Variants in MYOF observed in about 807,000 individuals in gnomAD.
The protein encoded by MYOF is myoferlin.
MYOF carries 244 observed loss-of-function variants against 284.2 expected under a neutral mutation model. The observed-to-expected ratio is 0.86, with a 90% CI of 0.77 to 0.95. The LOEUF (loss-of-function observed/expected upper bound fraction) is 0.95, where lower values mean the gene tolerates loss of function less well. MYOF is among the 40% of genes least tolerant of loss of function. The pLI is 0.00. For missense variants in MYOF, 2,496 were observed against 2,560.6 expected, an observed-to-expected ratio of 0.97 and a Z score of 0.54; for synonymous variants, 904 against 919.7, an observed-to-expected ratio of 0.98 and a Z score of 0.31.
chr10:93,321,582 C>T (rs1842842831), intron 48 of MYOF, among the ~76,000 whole-genome samples: 1 of 152,074 alleles, frequency 6.6e-6, no homozygotes, highest in Non-Finnish European at 1.5e-5. Context: ...TAAGGTAACT[C>T]ACTGAGGAGA....
At chr10:93,333,985 C>G (rs1052156789) in intron 41 of MYOF, 72 bp from the exon 42 acceptor site, 1 of 1,477,468 alleles carries the variant, frequency 6.8e-7, no homozygotes, top group Non-Finnish European at 9.2e-7. Flanking sequence ...GAAGTCCCCT[C>G]CTCCGCCAGG....
At position 93,333,380 on chromosome 10, in the gene MYOF, G is replaced by A. The variant is rs1292186718; in HGVS notation, c.4720-68C>T. ...CAAGGTGAAGTCAAGTTCAGGGACAGACTCAGCTCGCCTCCACACCCACTC... is the reference window on the plus strand; with the variant it reads ...CAAGGTGAAGTCAAGTTCAGGGACAAACTCAGCTCGCCTCCACACCCACTC... On this transcript the variant is annotated intron_variant, in intron 42 of 53. Transcript: ENST00000359263. 41 of 1,366,844 alleles carry A rather than the reference G, an allele frequency of 3.0e-5. No individual in the cohort carries two copies. The South Asian group carries it at 4.7e-4, about 16-fold the overall frequency. 84.7% of individuals were successfully genotyped at this position (1,366,844 alleles called of 1,614,324 possible). A position where few individuals can be genotyped will look rare whatever the true frequency, so the allele number is the denominator to read the frequency against.
intron 37 of MYOF, among the ~76,000 whole-genome samples, chr10:93,347,178 G>A (rs1482892890): frequency 6.6e-6 from 1 of 152,162 alleles, no homozygotes; most frequent in Admixed American, 6.5e-5. Flanking sequence ...CACGCAGTTT[G>A]CTCATCCGTA....
chr10:93,378,346 A>C (rs1845937760), intron 21 of MYOF, among the ~76,000 whole-genome samples: 1 of 152,130 alleles, frequency 6.6e-6, no homozygotes, highest in Admixed American at 6.6e-5. Context: ...CACAATTAGA[A>C]CACAGGTGCA....
At chr10:93,437,194 G>C (rs981393867) in intron 3 of MYOF, among the ~76,000 whole-genome samples, 3 of 152,106 alleles carry the variant, frequency 2.0e-5, no homozygotes, top group African/African-American at 7.2e-5. Flanking sequence ...TTGGGGGAAT[G>C]AAAGAGTTTA....
At position 93,313,092 on chromosome 10, in the gene MYOF, G is replaced by A; in HGVS notation, c.5817C>T (p.Ser1939=). Residue 1939 remains serine, a synonymous_variant, in exon 51 of 54, where the codon TCC becomes TCT. Transcript: ENST00000359263. ...AMNPLKAKTA[S]LFEQKSMKGW... is the part of the protein sequence containing the mutation. ...CTTTCATGGACTTCTGCTCAAAGAG[G>A]GAGGCTGTCTTGGCTTTAAGGGGGT... is the stretch of plus-strand genomic sequence containing the variant. 12 of 1,614,112 alleles carry A rather than the reference G, an allele frequency of 7.4e-6. No homozygotes were observed. Among genetic ancestry groups the A allele is most frequent in the Non-Finnish European group, 1.0e-5 (12 of 1,180,000 alleles).
rs529254844 is a variant in MYOF at position 93,372,952 on chromosome 10, T to C, written c.2435A>G (p.Lys812Arg). Residue 812 changes from lysine (K) to arginine (R), a missense_variant, in exon 24 of 54, where the codon AAA becomes AGA. Physicochemically the swap from Lys to Arg is conservative, Grantham distance 26. Coordinates refer to ENST00000359263, the MANE Select transcript of MYOF (RefSeq NM_013451.4). ...TACCTTCAGAAAGATGGTTTGGGTT[T>C]TCCCACAGTATTTTCCAGATGCATT... ...GENASGKYCGKTQTIFLKYPQ... is the reference protein window; with the variant it reads ...GENASGKYCGRTQTIFLKYPQ... 1 of 1,614,220 alleles carries C rather than the reference T, an allele frequency of 6.2e-7. No individual in the cohort carries two copies. Among genetic ancestry groups the C allele is most frequent in the East Asian group, 2.2e-5 (1 of 44,886 alleles).
At chr10:93,397,497 C>A (rs746661183) in intron 13 of MYOF, 41 bp from the exon 14 acceptor site, 3 of 1,503,536 alleles carry the variant, frequency 2.0e-6, no homozygotes, top group Non-Finnish European at 2.7e-6. Context: ...TTTCAAGTTT[C>A]TAATTTCTAA....
In MYOF at chr10:93,389,134, C is replaced by A. The variant is rs183152242; in HGVS notation, c.1477G>T (p.Val493Leu). ...SYTVNTGETE[V>L]GFVPTFGPCY... is the part of the protein sequence containing the mutation. ...GGTCCAAACGTTGGAACAAAGCCTA[C>A]CTCTGTTTCTCCTGTGTTTACTGAG... The change falls in exon 18 of 54, where the codon GTA becomes TTA. Residue 493 changes from valine to leucine, a missense_variant. Coordinates refer to ENST00000359263, the MANE Select transcript of MYOF (RefSeq NM_013451.4). 703 of 1,613,932 alleles carry A rather than the reference C, an allele frequency of 4.4e-4. 2 individuals carry two copies. The African/African-American group carries it at 8.4e-3, about 19-fold the overall frequency.
chr10:93,482,185 C>T lies in MYOF; in HGVS notation c.10G>A (p.Val4Met), dbSNP rs2057393835. 5 of 1,614,084 alleles carry T rather than the reference C, an allele frequency of 3.1e-6. No individual in the cohort carries two copies. Among genetic ancestry groups the T allele is most frequent in the South Asian group, 1.1e-5 (1 of 91,072 alleles). MLR[V>M]IVESASNIPK... The stretch of plus-strand genomic sequence containing the variant: ...ATATTGCTGGCAGATTCCACAATCA[C>T]TCGCAGCATGGTTCTTAGCTGGTAG... The change falls in exon 1 of 54, where the codon GTG becomes ATG. Residue 4 changes from valine (V) to methionine (M), a missense_variant. Physicochemically the swap from Val to Met is conservative, Grantham distance 21. Around this residue, in one of 3 missense-constraint regions of MYOF, gnomAD observed 57 missense variants for 62.4 expected, o/e 0.91. Transcript: ENST00000359263.
At chr10:93,316,681 T>C (rs951662988) in intron 50 of MYOF, 33 bp downstream of exon 50, 1 of 1,543,688 alleles carries the variant, frequency 6.5e-7, no homozygotes, top group Non-Finnish European at 8.9e-7. Flanking sequence ...AAGTACAGTT[T>C]CTTAGAAACA....
At chr10:93,367,544 C>T (rs1041944730) in intron 25 of MYOF, among the ~76,000 whole-genome samples, 1 of 152,276 alleles carries the variant, frequency 6.6e-6, no homozygotes, top group Middle Eastern at 3.4e-3. Flanking sequence ...AACTGTTATC[C>T]TAAGGGACCT....
intron 36 of MYOF, among the ~76,000 whole-genome samples, chr10:93,349,395 C>T (rs1844395168): frequency 6.6e-6 from 1 of 152,314 alleles, no homozygotes; most frequent in African/African-American, 2.4e-5. Flanking sequence ...ATATACCTTC[C>T]CCCACAGCTG....
At position 93,313,190 on chromosome 10, in the gene MYOF, G is replaced by GC. The variant is rs760083271; in HGVS notation, c.5718dup (p.Arg1907AlafsTer28). 2 of 1,613,110 alleles carry GC rather than the reference G, an allele frequency of 1.2e-6. No homozygotes were observed. The highest frequency in any genetic ancestry group is 2.7e-5 in the African/African-American group (2 of 74,868). ...GATTTTGCAGGAATGATCGTGTGAC[G>GC]CAAGTCAAGTTCTAGGAAACCTAGC... is the stretch of plus-strand genomic sequence containing the variant. On this transcript the variant is annotated frameshift_variant, in exon 51 of 54. Coordinates refer to ENST00000359263, the MANE Select transcript of MYOF (RefSeq NM_013451.4). LOFTEE classifies it high-confidence loss of function.
chr10:93,318,939 A>G (rs1370762479), intron 49 of MYOF, among the ~76,000 whole-genome samples: 3 of 152,128 alleles, frequency 2.0e-5, no homozygotes, highest in South Asian at 4.1e-4. Context: ...ATCTGTTGTT[A>G]TTGACTATGC....
intron 1 of MYOF, 116 bp downstream of exon 1, chr10:93,481,991 G>C: frequency 5.1e-6 from 5 of 972,466 alleles, no homozygotes; most frequent in Non-Finnish European, 7.9e-6. Flanking sequence ...GGTAACAAAC[G>C]CTGCTGGAGA....
chr10:93,340,609 A>G (rs1185841589), intron 38 of MYOF, among the ~76,000 whole-genome samples: 3 of 152,086 alleles, frequency 2.0e-5, no homozygotes, highest in Non-Finnish European at 4.4e-5. Flanking sequence ...CCCACAAAAA[A>G]CTGTCCTGTC....
chr10:93,437,651 T>G (rs190388102), intron 3 of MYOF, among the ~76,000 whole-genome samples: 2 of 152,228 alleles, frequency 1.3e-5, no homozygotes, highest in African/African-American at 4.8e-5. Context: ...CAAACACGAT[T>G]CCAGGCTGCT....
At chr10:93,319,588 T>C (rs1192558918) in intron 49 of MYOF, among the ~76,000 whole-genome samples, 1 of 152,186 alleles carries the variant, frequency 6.6e-6, no homozygotes, top group Non-Finnish European at 1.5e-5. Flanking sequence ...GGTTGTTGTT[T>C]ATACTAATAC....
Sources: gnomAD v4.1 joint callset for allele counts (sites outside exome capture counted in the v4.1 genomes callset) on GRCh38, gnomAD v4.1.1 for gene constraint, gnomAD v4.1.1 regional missense constraint, MANE v1.5 for transcripts, NCBI Gene and HGNC (gene_info 2026-07-23, HGNC 2026-07-21) for gene names.